The following NAP1L1 variants were observed in gnomAD, a reference collection of about 807,000 sequenced individuals.
NAP1L1 encodes nucleosome assembly protein 1-like 1.
A neutral mutation model predicts 58.9 loss-of-function variants in NAP1L1; 9 were observed. The observed-to-expected ratio is 0.15, with a 90% CI of 0.09 to 0.27. The LOEUF (loss-of-function observed/expected upper bound fraction) is 0.27. Ranked by LOEUF, NAP1L1 falls within the 10% of genes least tolerant of loss-of-function variation. NAP1L1 has a pLI of 1.00. For missense variants in NAP1L1, 302 were observed against 458.8 expected (o/e 0.66, Z 3.12); for synonymous variants, 130 against 138.3 (o/e 0.94, Z 0.42).
At chr12:76,059,357 C>T (rs964165578) in intron 6 of NAP1L1, among the ~76,000 whole-genome samples, 5 of 152,178 alleles carry the variant, frequency 3.3e-5, no homozygotes, top group Non-Finnish European at 5.9e-5. Flanking sequence ...GGTTCTTATT[C>T]TGGATATAAA....
rs1948528370 is a variant in NAP1L1 at position 76,039,281 on chromosome 12, T to A, written c.*9148A>T. 6.6e-6 allele frequency: 1 copy of A among 152,188 alleles called. No homozygotes were observed. The allele number at this position is 152,188 out of a possible 1,614,324, so 9.4% of individuals were successfully genotyped here. A position where few individuals can be genotyped will look rare whatever the true frequency, so the allele number is the denominator to read the frequency against. ...CAGGAGAGGTTGGATGCCAGTAGCC[T>A]TTAGCCTCCTTCAGCCCATCCTGTA... is the stretch of plus-strand genomic sequence containing the variant. On this transcript the variant is annotated 3_prime_UTR_variant, in exon 15 of 15. Transcript: ENST00000618691.
At chr12:76,049,612 G>T (rs1948728132) in intron 13 of NAP1L1, 144 bp downstream of exon 13, 6 of 1,507,572 alleles carry the variant, frequency 4.0e-6, no homozygotes, top group Admixed American at 2.0e-5. Context: ...ACATTGTTTG[G>T]CTGTAGAATT....
chr12:76,069,703 G>C (rs1207487157), intron 2 of NAP1L1, among the ~76,000 whole-genome samples: 1 of 152,142 alleles, frequency 6.6e-6, no homozygotes, highest in Non-Finnish European at 1.5e-5. Context: ...CACAGTGGAG[G>C]TGAGAAAGAA....
chr12:76,081,244 G>C (rs553953867), intron 1 of NAP1L1, among the ~76,000 whole-genome samples: 1 of 152,188 alleles, frequency 6.6e-6, no homozygotes, highest in East Asian at 1.9e-4. Context: ...AACCACGGAC[G>C]GGTTATCTAA....
At chr12:76,059,408 A>G (rs1215035530) in intron 6 of NAP1L1, among the ~76,000 whole-genome samples, 2 of 152,224 alleles carry the variant, frequency 1.3e-5, no homozygotes, top group Non-Finnish European at 2.9e-5. Flanking sequence ...AAAATAATGT[A>G]CAACCATGTT....
intron 8 of NAP1L1, among the ~76,000 whole-genome samples, chr12:76,054,697 T>G (rs1304102833): frequency 6.6e-6 from 1 of 152,202 alleles, no homozygotes; most frequent in African/African-American, 2.4e-5. Flanking sequence ...CTTTCCTCAT[T>G]AGGGAGTGGG....
chr12:76,080,832 CAT>C lies in NAP1L1; in HGVS notation c.-21+3733_-21+3734del, dbSNP rs147359059. Reference sequence around the variant, plus strand: ...GGGGGTCTTTAAGAAGTGATTGGATCATGAGGGCTCCACCCTCACAAACGAAT... The same window carrying C: ...GGGGGTCTTTAAGAAGTGATTGGATCGAGGGCTCCACCCTCACAAACGAAT... On this transcript the variant is annotated intron_variant, in intron 1 of 14. Coordinates refer to ENST00000618691, the MANE Select transcript of NAP1L1 (RefSeq NM_004537.7). 9.7e-3 allele frequency among the ~76,000 whole-genome samples: 1,473 copies of C among 152,266 alleles called. 20 individuals are homozygous for C. Among genetic ancestry groups the C allele is most frequent in the African/African-American group, 0.033 (1,366 of 41,550 alleles).
chr12:76,063,447 G>A (rs1449486061), intron 4 of NAP1L1, among the ~76,000 whole-genome samples: 6 of 152,130 alleles, frequency 3.9e-5, no homozygotes, highest in Non-Finnish European at 8.8e-5. Context: ...AGAGAAAGAT[G>A]GCAGCAATAA....
At chr12:76,060,698 C>G (rs1299461435) in intron 4 of NAP1L1, among the ~76,000 whole-genome samples, 2 of 152,178 alleles carry the variant, frequency 1.3e-5, no homozygotes, top group African/African-American at 4.8e-5. Context: ...AGATTCCACA[C>G]ACCATTATTT....
chr12:76,043,993 G>A lies in NAP1L1; in HGVS notation c.*4436C>T, dbSNP rs2043369. 0.63 allele frequency: 95,389 copies of A among 152,002 alleles called. 30,298 individuals are homozygous for A. The highest frequency in any genetic ancestry group is 0.96 in the East Asian group (4,954 of 5,176). The allele number at this position is 152,002 out of a possible 1,614,324, so 9.4% of individuals were successfully genotyped here. Reference sequence around the variant, plus strand: ...CTTTTTGGCTTTAAGTTTAAAACATGTAAGAAACTGGCTGGGCGTGGTGGC... The same window carrying A: ...CTTTTTGGCTTTAAGTTTAAAACATATAAGAAACTGGCTGGGCGTGGTGGC... On this transcript the variant is annotated 3_prime_UTR_variant, in exon 15 of 15. Transcript: ENST00000618691.
At chr12:76,069,824 T>TA (rs36109243) in intron 2 of NAP1L1, among the ~76,000 whole-genome samples, 101 of 145,496 alleles carry the variant, frequency 6.9e-4, no homozygotes, top group South Asian at 3.3e-3. Flanking sequence ...CATTTCATCT[T>TA]AAAAAAAAAA....
At chr12:76,055,119 A>C (rs778371326) in intron 7 of NAP1L1, 29 bp from the exon 8 acceptor site, 152 of 1,474,266 alleles carry the variant, frequency 1.0e-4, no homozygotes, top group Non-Finnish European at 2.8e-5. Context: ...ATAAAAATGA[A>C]TAACATGGCA....
At chr12:76,051,884 C>T (rs1239880575) in intron 11 of NAP1L1, among the ~76,000 whole-genome samples, 5 of 151,914 alleles carry the variant, frequency 3.3e-5, no homozygotes, top group African/African-American at 1.2e-4. Context: ...TTCAATGGCA[C>T]GTGCCTGTAA....
intron 9 of NAP1L1, among the ~76,000 whole-genome samples, 167 bp downstream of exon 9, chr12:76,053,603 G>A (rs543971202): frequency 6.6e-6 from 1 of 152,286 alleles, no homozygotes; most frequent in Non-Finnish European, 1.5e-5. Context: ...ACAGTCATGG[G>A]TCCAAGGAGA....
rs34298638 is a variant in NAP1L1 at position 76,056,685 on chromosome 12, T to TA, written c.430-525dup. On this transcript the variant is annotated intron_variant, in intron 6 of 14. Coordinates refer to ENST00000618691, the MANE Select transcript of NAP1L1 (RefSeq NM_004537.7). The stretch of plus-strand genomic sequence containing the variant: ...AACAATCCTCAGCCTACCATGAAGT[T>TA]AAAAAAAAAAAAAGAATATAATGAA... The TA allele has an allele frequency of 6.3e-3, 2,645 of 418,918 alleles. 2 individuals are homozygous for TA. Among genetic ancestry groups the TA allele is most frequent in the Middle Eastern group, 0.015 (39 of 2,632 alleles). The allele number at this position is 418,918 out of a possible 1,614,324, so 26.0% of individuals were successfully genotyped here. A position where few individuals can be genotyped will look rare whatever the true frequency, so the allele number is the denominator to read the frequency against.
Position 76,048,147 on chromosome 12 carries a change from A to T in NAP1L1, c.*282T>A. The stretch of plus-strand genomic sequence containing the variant: ...TCCTTTAACAGTTGTTAATTTTCAT[A>T]GCTGTACTCCAAGAGCTACATAAAA... On this transcript the variant is annotated 3_prime_UTR_variant, in exon 15 of 15. Transcript: ENST00000618691. 2.6e-6 allele frequency: 1 copy of T among 385,834 alleles called. No individual in the cohort carries two copies. Among genetic ancestry groups the T allele is most frequent in the Non-Finnish European group, 4.6e-6 (1 of 216,952 alleles). The allele number at this position is 385,834 out of a possible 1,614,324, so 23.9% of individuals were successfully genotyped here. A position where few individuals can be genotyped will look rare whatever the true frequency, so the allele number is the denominator to read the frequency against.
chr12:76,049,410 G>A, intron 13 of NAP1L1, 160 bp from the exon 14 acceptor site: 1 of 1,533,406 alleles, frequency 6.5e-7, no homozygotes, highest in Non-Finnish European at 8.7e-7. Flanking sequence ...CTTCTAATAT[G>A]AAAAATTTCC....
At chr12:76,057,568 G>T in intron 6 of NAP1L1, 1 of 914,336 alleles carries the variant, frequency 1.1e-6, no homozygotes, top group Admixed American at 1.8e-5. Flanking sequence ...TTCCAATAGG[G>T]CTGACTGCAA....
At chr12:76,074,285 T>A in intron 1 of NAP1L1, 46 bp from the exon 2 acceptor site, 1 of 1,487,428 alleles carries the variant, frequency 6.7e-7, no homozygotes, top group Non-Finnish European at 8.9e-7. Flanking sequence ...TATGATTTAT[T>A]AAAAAAAAAT....
Sources: gnomAD v4.1 joint callset for allele counts (sites outside exome capture counted in the v4.1 genomes callset) on GRCh38, gnomAD v4.1.1 for gene constraint, MANE v1.5 for transcripts, NCBI Gene and HGNC (gene_info 2026-07-23, HGNC 2026-07-21) for gene names.